The following DIAPH1 variants were observed in gnomAD, a reference collection of about 807,000 sequenced individuals.
DIAPH1 encodes the protein protein diaphanous homolog 1.
In DIAPH1, 46 loss-of-function variants were observed where a neutral mutation model predicts 140.7. That is an observed-to-expected ratio of 0.33 (90% confidence interval 0.26 to 0.42). The LOEUF (loss-of-function observed/expected upper bound fraction) is 0.42, where lower values mean the gene tolerates loss of function less well. DIAPH1 is among the 10% of genes least tolerant of loss of function. DIAPH1 has a pLI of 1.00. For synonymous variants in DIAPH1, 565 were observed against 551.6 expected (o/e 1.02, Z -0.34); for missense variants, 1,310 against 1,558.7 (o/e 0.84, Z 2.69).
intron 18 of DIAPH1, chr5:141,536,136 TA>T: frequency 1.5e-5 from 6 of 391,618 alleles, no homozygotes; most frequent in Non-Finnish European, 2.1e-5. Flanking sequence ...CCTGTCTCTA[TA>T]AAAAAAGTTC....
chr5:141,602,478 G>A (rs1429056029), intron 1 of DIAPH1, among the ~76,000 whole-genome samples: 1 of 152,204 alleles, frequency 6.6e-6, no homozygotes, highest in East Asian at 1.9e-4. Flanking sequence ...GCCTCCCAAA[G>A]TGCTGGGATT....
At chr5:141,574,934 C>T (rs1456630314) in intron 15 of DIAPH1, 33 bp downstream of exon 15, 1 of 1,613,228 alleles carries the variant, frequency 6.2e-7, no homozygotes, top group Admixed American at 1.7e-5. Context: ...CCTGAGGTTA[C>T]AGGTCATTCT....
intron 1 of DIAPH1, among the ~76,000 whole-genome samples, chr5:141,602,298 G>A (rs1005744448): frequency 2.0e-5 from 3 of 152,120 alleles, no homozygotes; most frequent in Admixed American, 6.5e-5. Flanking sequence ...CTCACTGCAA[G>A]CTACGCCCCT....
intron 1 of DIAPH1, among the ~76,000 whole-genome samples, chr5:141,591,705 T>TAC (rs1562337233): frequency 1.3e-5 from 1 of 76,982 alleles, no homozygotes; most frequent in Non-Finnish European, 2.8e-5. Context: ...GATATATATA[T>TAC]ATATATATAT....
At chr5:141,604,810 A>G (rs2099900685) in intron 1 of DIAPH1, among the ~76,000 whole-genome samples, 2 of 152,220 alleles carry the variant, frequency 1.3e-5, no homozygotes, top group Non-Finnish European at 2.9e-5. Context: ...GCCAGACTTG[A>G]TCCTACGAAA....
intron 1 of DIAPH1, among the ~76,000 whole-genome samples, chr5:141,606,218 AC>A: frequency 6.6e-6 from 1 of 152,246 alleles, no homozygotes; most frequent in South Asian, 2.1e-4. Flanking sequence ...ATCCAGACAT[AC>A]CCTGAGGACT....
intron 3 of DIAPH1, among the ~76,000 whole-genome samples, chr5:141,585,759 G>C (rs114323961): frequency 6.6e-6 from 1 of 152,096 alleles, no homozygotes; most frequent in Non-Finnish European, 1.5e-5. Flanking sequence ...CTCTGCTTGC[G>C]ACAGAGCAAT....
At chr5:141,529,513 G>A in intron 20 of DIAPH1, 90 bp downstream of exon 20, 1 of 1,121,760 alleles carries the variant, frequency 8.9e-7, no homozygotes. Context: ...CAGCAATGCT[G>A]GAGGAGGATC....
intron 18 of DIAPH1, among the ~76,000 whole-genome samples, chr5:141,538,767 C>G (rs2099889486): frequency 6.6e-6 from 1 of 152,094 alleles, no homozygotes; most frequent in African/African-American, 2.4e-5. Flanking sequence ...TGTAGAGACA[C>G]AGTTTCGCCA....
chr5:141,613,280 C>T (rs1365720413), intron 1 of DIAPH1, among the ~76,000 whole-genome samples: 3 of 152,208 alleles, frequency 2.0e-5, no homozygotes, highest in Non-Finnish European at 4.4e-5. Flanking sequence ...GGCAAACTGA[C>T]TCTCCCTAAC....
At chr5:141,612,048 C>T (rs1432365514) in intron 1 of DIAPH1, among the ~76,000 whole-genome samples, 2 of 151,880 alleles carry the variant, frequency 1.3e-5, no homozygotes, top group African/African-American at 2.4e-5. Flanking sequence ...GCCTGAGCGA[C>T]GAGAGTGAAA....
At chr5:141,558,087 A>G (rs916728389) in intron 18 of DIAPH1, among the ~76,000 whole-genome samples, 66 of 152,258 alleles carry the variant, frequency 4.3e-4, no homozygotes, top group African/African-American at 1.6e-3. Context: ...CTACTTTTGC[A>G]TTTCAAACGA....
intron 27 of DIAPH1, among the ~76,000 whole-genome samples, chr5:141,518,261 T>TTA (rs2099885991): frequency 6.7e-6 from 1 of 148,818 alleles, no homozygotes; most frequent in Non-Finnish European, 1.5e-5. Flanking sequence ...AACCCCTGAA[T>TTA]TATACATTTT....
intron 1 of DIAPH1, among the ~76,000 whole-genome samples, chr5:141,601,268 T>TAA (rs1314828738): frequency 6.7e-6 from 1 of 149,258 alleles, no homozygotes; most frequent in East Asian, 1.9e-4. Flanking sequence ...AATAAAATCT[T>TAA]AGACACAGAA....
chr5:141,597,539 A>G (rs769546789), intron 1 of DIAPH1, among the ~76,000 whole-genome samples: 6 of 152,248 alleles, frequency 3.9e-5, no homozygotes, highest in Non-Finnish European at 8.8e-5. Context: ...TGCAAACCAA[A>G]AAAGTGCAAG....
intron 13 of DIAPH1, among the ~76,000 whole-genome samples, chr5:141,576,517 T>G (rs1194651836): frequency 6.6e-6 from 1 of 152,200 alleles, no homozygotes; most frequent in African/African-American, 2.4e-5. Flanking sequence ...TGAGTGATAT[T>G]TTTGACTCTC....
chr5:141,579,056 TTCTTGGGCCC>T, intron 9 of DIAPH1, 22 bp downstream of exon 9: 1 of 1,513,218 alleles, frequency 6.6e-7, no homozygotes. Context: ...TTGAATTCTA[TTCTTGGGCCC>T]AGTTTCAGGG....
At chr5:141,617,790 A>C (rs1458743664) in intron 1 of DIAPH1, among the ~76,000 whole-genome samples, 1 of 152,216 alleles carries the variant, frequency 6.6e-6, no homozygotes, top group Non-Finnish European at 1.5e-5. Flanking sequence ...GGTGTGGGCA[A>C]AAGGTAATGA....
intron 18 of DIAPH1, among the ~76,000 whole-genome samples, chr5:141,542,470 T>G (rs1021245970): frequency 5.9e-5 from 9 of 152,014 alleles, no homozygotes; most frequent in Non-Finnish European, 1.0e-4. Context: ...GTCTGTCAAT[T>G]AATGCATAAA....
Sources: gnomAD v4.1 joint callset for allele counts (sites outside exome capture counted in the v4.1 genomes callset) on GRCh38, gnomAD v4.1.1 for gene constraint, MANE v1.5 for transcripts, NCBI Gene and HGNC (gene_info 2026-07-23, HGNC 2026-07-21) for gene names.